The following IL1RAPL2 variants were observed in gnomAD, a reference collection of about 807,000 sequenced individuals.
IL1RAPL2 encodes the protein interleukin 1 receptor accessory protein like 2.
A neutral mutation model predicts 44.1 loss-of-function variants in IL1RAPL2; 3 were observed. The observed-to-expected ratio is 0.07, with a 90% confidence interval of 0.03 to 0.18. The LOEUF is 0.18. Ranked by LOEUF, IL1RAPL2 falls within the 10% of genes least tolerant of loss-of-function variation. The pLI is 1.00. For missense variants in IL1RAPL2, 391 were observed against 496.4 expected, an observed-to-expected ratio of 0.79 and a Z score of 2.02; for synonymous variants, 181 against 178.8, an observed-to-expected ratio of 1.01 and a Z score of -0.10.
intron 2 of IL1RAPL2, among the ~76,000 whole-genome samples, chrX:104,843,540 C>T (rs769632245): frequency 2.7e-5 from 3 of 111,222 alleles, no homozygotes; most frequent in Non-Finnish European, 5.7e-5. Context: ...GTTGTATATG[C>T]TCACAAGGGA....
At position 105,664,025 on chromosome X, in the gene IL1RAPL2, A is replaced by C. The variant is rs771208980; in HGVS notation, c.773-53342A>C. ...CTATAAAATCTAACATGATTTAAGC[A>C]AAAGTCAAGTCAATATATGATAACT... On this transcript the variant is annotated intron_variant, in intron 6 of 10. Transcript: ENST00000372582. Among the ~76,000 whole-genome samples, 11 of 112,287 alleles carry C rather than the reference A, an allele frequency of 9.8e-5. No homozygotes were observed. The East Asian group carries it at 3.1e-3, about 31-fold the overall frequency.
intron 2 of IL1RAPL2, among the ~76,000 whole-genome samples, chrX:104,925,207 T>A: frequency 1.1e-5 from 1 of 93,512 alleles, no homozygotes; most frequent in African/African-American, 3.8e-5. Context: ...AGTAATAAAA[T>A]GTCTCCCACC....
chrX:104,911,982 TTTC>T (rs1331912527), intron 2 of IL1RAPL2, among the ~76,000 whole-genome samples: 1 of 111,824 alleles, frequency 8.9e-6, no homozygotes, highest in Non-Finnish European at 1.9e-5. Flanking sequence ...CATCTCCCTG[TTTC>T]TTCATTTACT....
intron 2 of IL1RAPL2, among the ~76,000 whole-genome samples, chrX:104,836,567 A>G (rs1921747191): frequency 9.0e-6 from 1 of 110,597 alleles, no homozygotes; most frequent in Admixed American, 9.7e-5. Flanking sequence ...AAAATTAAAA[A>G]TTAAAAAAGA....
chrX:105,159,213 T>C (rs978490264), intron 2 of IL1RAPL2, among the ~76,000 whole-genome samples: 3 of 112,708 alleles, frequency 2.7e-5, no homozygotes, highest in Non-Finnish European at 3.7e-5. Context: ...ATCAGCCTTT[T>C]CCAGGCTGTT....
Position 104,639,981 on chromosome X carries a change from T to G in IL1RAPL2, c.-19-18914T>G, listed in dbSNP as rs745396108. Among the ~76,000 whole-genome samples, 127 of 111,845 alleles carry G rather than the reference T, an allele frequency of 1.1e-3. No homozygotes were observed. In the Middle Eastern group the frequency reaches 0.014, roughly 12 times the overall value. On this transcript the variant is annotated intron_variant, in intron 1 of 10. Coordinates refer to ENST00000372582, the MANE Select transcript of IL1RAPL2 (RefSeq NM_017416.2). ...CTATGGAGAAGACCTTTTTGAATTG[T>G]ATCTGACGGGATGGCTGAGCTTCCT...
chrX:105,192,890 G>T (rs1432687811), intron 2 of IL1RAPL2, among the ~76,000 whole-genome samples: 13 of 112,272 alleles, frequency 1.2e-4, no homozygotes, highest in Non-Finnish European at 1.7e-4. Context: ...GGGAACAGAA[G>T]AAAAGAGACC....
intron 1 of IL1RAPL2, among the ~76,000 whole-genome samples, chrX:104,585,299 T>TA (rs1928508816): frequency 4.5e-5 from 1 of 22,408 alleles, no homozygotes; most frequent in Non-Finnish European, 6.4e-5. Context: ...ATATTATATA[T>TA]TATATATTAT....
intron 2 of IL1RAPL2, among the ~76,000 whole-genome samples, chrX:105,017,174 T>C (rs757596817): frequency 2.0e-4 from 22 of 110,998 alleles, no homozygotes; most frequent in Non-Finnish European, 2.5e-4. Context: ...TTGTATTGTG[T>C]CTATTTGATT....
chrX:104,642,542 T>C (rs1463386729), intron 1 of IL1RAPL2, among the ~76,000 whole-genome samples: 1 of 110,987 alleles, frequency 9.0e-6, no homozygotes, highest in African/African-American at 3.3e-5. Flanking sequence ...TGGAGTCCAA[T>C]GGCACGATCT....
intron 6 of IL1RAPL2, among the ~76,000 whole-genome samples, chrX:105,487,501 C>T (rs1168670358): frequency 1.8e-5 from 2 of 111,952 alleles, no homozygotes; most frequent in African/African-American, 6.5e-5. Context: ...ACTTTATTGA[C>T]AGAAAGATGG....
intron 5 of IL1RAPL2, among the ~76,000 whole-genome samples, chrX:105,276,348 T>G (rs2034486106): frequency 8.9e-6 from 1 of 112,576 alleles, no homozygotes; most frequent in Non-Finnish European, 1.9e-5. Flanking sequence ...TTGGAGGTTG[T>G]GGTGAGCCGA....
At chrX:104,766,817 T>G (rs185141541) in intron 2 of IL1RAPL2, among the ~76,000 whole-genome samples, 1 of 112,181 alleles carries the variant, frequency 8.9e-6, no homozygotes, top group East Asian at 2.8e-4. Context: ...AAGCCGTTAT[T>G]GTTAGGCCAA....
chrX:104,851,176 A>G (rs1433537293), intron 2 of IL1RAPL2, among the ~76,000 whole-genome samples: 1 of 111,453 alleles, frequency 9.0e-6, no homozygotes, highest in African/African-American at 3.3e-5. Context: ...CTCTTGGAAG[A>G]TGTTTAGAAA....
chrX:104,730,723 T>G (rs1467060972), intron 2 of IL1RAPL2, among the ~76,000 whole-genome samples: 7 of 108,721 alleles, frequency 6.4e-5, no homozygotes, highest in Non-Finnish European at 1.3e-4. Context: ...TTTATAGTCC[T>G]TTGGGTATAT....
intron 2 of IL1RAPL2, among the ~76,000 whole-genome samples, chrX:104,691,879 A>G (rs747641825): frequency 4.3e-4 from 48 of 111,426 alleles, no homozygotes; most frequent in African/African-American, 1.5e-3. Flanking sequence ...GTGAGGAGCC[A>G]TAAGTATTCA....
chrX:104,700,081 G>A (rs972450925), intron 2 of IL1RAPL2, among the ~76,000 whole-genome samples: 1 of 111,563 alleles, frequency 9.0e-6, no homozygotes, highest in African/African-American at 3.3e-5. Context: ...CATGACAAGA[G>A]GATAATGTAT....
Position 105,330,268 on chromosome X carries a change from C to T in IL1RAPL2, c.697+62727C>T, listed in dbSNP as rs916078992. On this transcript the variant is annotated intron_variant, in intron 5 of 10. Transcript: ENST00000372582. ...CATTTAGAGCCAGGTCAACCCACGA[C>T]ATTCTGGCTTTAAGCTTTGGTAGAT... Among the ~76,000 whole-genome samples, 5 of 111,582 alleles carry T rather than the reference C, an allele frequency of 4.5e-5. No individual in the cohort carries two copies. The East Asian group carries it at 1.4e-3, about 32-fold the overall frequency.
At chrX:104,585,907 G>A (rs1160974682) in intron 1 of IL1RAPL2, among the ~76,000 whole-genome samples, 1 of 110,998 alleles carries the variant, frequency 9.0e-6, no homozygotes, top group Non-Finnish European at 1.9e-5. Flanking sequence ...ATGAACATGC[G>A]TATGAATGTG....
Sources: gnomAD v4.1 joint callset for allele counts (sites outside exome capture counted in the v4.1 genomes callset) on GRCh38, gnomAD v4.1.1 for gene constraint, MANE v1.5 for transcripts, NCBI Gene and HGNC (gene_info 2026-07-23, HGNC 2026-07-21) for gene names.